Variants in NAPA observed in about 807,000 individuals in gnomAD.
NAPA encodes alpha-soluble NSF attachment protein.
NAPA carries 18 observed loss-of-function variants against 48.0 expected under a neutral mutation model. That is an observed-to-expected ratio of 0.38 (90% CI 0.26 to 0.56). The LOEUF is 0.56. Among genes scored for constraint, NAPA ranks in the 20% least tolerant of loss-of-function variants. The pLI is 0.77. For missense variants in NAPA, 315 were observed against 385.0 expected (o/e 0.82, Z 1.52); for synonymous variants, 152 against 149.9 (o/e 1.01, Z -0.10).
chr19:47,490,300 G>C (rs1968212462), intron 9 of NAPA, among the ~76,000 whole-genome samples: 1 of 145,438 alleles, frequency 6.9e-6, no homozygotes, highest in Non-Finnish European at 1.5e-5. Flanking sequence ...TTTGTGTGAG[G>C]GGTGTGTCGT....
rs191398541 is a variant in NAPA at position 47,492,977 on chromosome 19, A to G, written c.545T>C (p.Ile182Thr). Residue 182 changes from isoleucine (I) to threonine (T), a missense_variant, in exon 7 of 11, where the codon ATT becomes ACT. Ile to Thr is a moderately conservative substitution (Grantham distance 89). This residue lies in a region of NAPA where 137 missense variants were observed against 150.1 expected (regional missense o/e 0.91). Transcript: ENST00000263354. ...AALLEQYQKA[I>T]DIYEQVGTNA... ...TGTCCCCACCTGTTCGTAGATGTCA[A>G]TGGCCTTCTGATACTGCTCCAGCAG... 6.8e-5 allele frequency: 109 copies of G among 1,614,142 alleles called. No individual in the cohort carries two copies. Among genetic ancestry groups the G allele is most frequent in the Middle Eastern group, 1.7e-4 (1 of 6,060 alleles).
At chr19:47,513,731 CT>C (rs1568472975) in intron 1 of NAPA, among the ~76,000 whole-genome samples, 1 of 151,760 alleles carries the variant, frequency 6.6e-6, no homozygotes, top group African/African-American at 2.4e-5. Flanking sequence ...CTCAGTCCCC[CT>C]GTCTCTCCCT....
chr19:47,488,524 T>A (rs1293384691), intron 10 of NAPA, 135 bp from the exon 11 acceptor site: 2 of 613,208 alleles, frequency 3.3e-6, no homozygotes, highest in African/African-American at 3.7e-5. Flanking sequence ...AGGGAGGGCT[T>A]GAGGCCCCAA....
At chr19:47,489,926 G>A (rs753330711) in intron 9 of NAPA, among the ~76,000 whole-genome samples, 165 bp from the exon 10 acceptor site, 22 of 152,196 alleles carry the variant, frequency 1.4e-4, no homozygotes, top group Non-Finnish European at 2.5e-4. Flanking sequence ...GGGTACGGGC[G>A]TGTTGCGATC....
chr19:47,493,493 C>T lies in NAPA; in HGVS notation c.343G>A (p.Gly115Ser). 2 of 1,613,800 alleles carry T rather than the reference C, an allele frequency of 1.2e-6. No individual in the cohort carries two copies. The highest frequency in any genetic ancestry group is 1.7e-6 in the Non-Finnish European group (2 of 1,179,934). The change falls in exon 5 of 11, where the codon GGC becomes AGC. Residue 115 changes from glycine to serine, a missense_variant and splice_region_variant. Physicochemically the swap from Gly to Ser is moderately conservative, Grantham distance 56. Coordinates refer to ENST00000263354, the MANE Select transcript of NAPA (RefSeq NM_003827.4). This position sits in a 1 kb window ranked among gnomAD's most constrained non-coding sequence, Gnocchi z 6.4. Reference protein sequence around the residue: ...MRAIEIYTDMGRFTIAAKHHI... With the variant: ...MRAIEIYTDMSRFTIAAKHHI... Reference sequence around the variant, plus strand: ...TGCTTGGCCGCAATCGTGAATCGGCCCTGGAGGGGACACAGGAAGGGGCTG... The same window carrying T: ...TGCTTGGCCGCAATCGTGAATCGGCTCTGGAGGGGACACAGGAAGGGGCTG...
At chr19:47,514,811 G>A (rs1196006643) in intron 1 of NAPA, 32 bp downstream of exon 1, 4 of 1,601,504 alleles carry the variant, frequency 2.5e-6, no homozygotes, top group Non-Finnish European at 3.4e-6. Flanking sequence ...TCTCAGCCTA[G>A]GTCCCGGCCG....
rs548584085 is a variant in NAPA, at chr19:47,499,750, T to C, written c.295+883A>G. On this transcript the variant is annotated intron_variant, in intron 3 of 10. Transcript: ENST00000263354. ...ATGCCAGCAGTTCTCAAACACGCCATGTGAACCAGTGCTCACTGATCCATG... is the reference window on the plus strand; with the variant it reads ...ATGCCAGCAGTTCTCAAACACGCCACGTGAACCAGTGCTCACTGATCCATG... Among the ~76,000 whole-genome samples the C allele has an allele frequency of 3.9e-5, 6 of 152,368 alleles. No individual in the cohort carries two copies. The East Asian group carries it at 5.8e-4, about 15-fold the overall frequency.
chr19:47,487,224 C>T (rs1306943698), downstream of NAPA, among the ~76,000 whole-genome samples: 1 of 152,170 alleles, frequency 6.6e-6, no homozygotes, highest in African/African-American at 2.4e-5. Flanking sequence ...CAACTGTCAC[C>T]GGGGCGTTCA....
intron 1 of NAPA, among the ~76,000 whole-genome samples, chr19:47,510,561 T>G (rs1043290416): frequency 2.0e-5 from 3 of 152,110 alleles, no homozygotes; most frequent in African/African-American, 7.2e-5. Context: ...ATTTCACAGA[T>G]GAAGAAACTC....
In NAPA at chr19:47,492,954, T is replaced by C. The variant is rs368330999; in HGVS notation, c.561+7A>G. On this transcript the variant is annotated splice_region_variant and intron_variant, in intron 7 of 10. Transcript: ENST00000263354. Reference sequence around the variant, plus strand: ...GGGTGGAAGCCGCCATCCCCACCTGTCCCCACCTGTTCGTAGATGTCAATG... The same window carrying C: ...GGGTGGAAGCCGCCATCCCCACCTGCCCCCACCTGTTCGTAGATGTCAATG... The C allele has an allele frequency of 1.9e-6, 3 of 1,613,742 alleles. No homozygotes were observed. Among genetic ancestry groups the C allele is most frequent in the Non-Finnish European group, 2.5e-6 (3 of 1,179,866 alleles).
chr19:47,492,105 G>A lies in NAPA; in HGVS notation c.576C>T (p.Ala192=). The A allele has an allele frequency of 6.2e-7, 1 of 1,614,016 alleles. No individual in the cohort carries two copies. The highest frequency in any genetic ancestry group is 8.5e-7 in the Non-Finnish European group (1 of 1,179,904). ...IDIYEQVGTN[A]MDSPLLKYSA... ...TGTACTTGAGGAGGGGGCTGTCCAT[G>A]GCATTGGTCCCCACCTGTAGCCATG... Residue 192 remains alanine, a synonymous_variant, in exon 8 of 11, where the codon GCC becomes GCT. Coordinates refer to ENST00000263354, the MANE Select transcript of NAPA (RefSeq NM_003827.4).
intron 1 of NAPA, among the ~76,000 whole-genome samples, 155 bp downstream of exon 1, chr19:47,514,688 G>A (rs1968871358): frequency 6.6e-6 from 1 of 152,064 alleles, no homozygotes; most frequent in Admixed American, 6.5e-5. Flanking sequence ...CCCTCAGCCT[G>A]CGTCCCCTCT....
At chr19:47,504,989 G>A (rs1391003367) in intron 1 of NAPA, among the ~76,000 whole-genome samples, 1 of 152,144 alleles carries the variant, frequency 6.6e-6, no homozygotes, top group East Asian at 1.9e-4. Context: ...CTGGCTTCTT[G>A]ACCTCCACAT....
intron 1 of NAPA, among the ~76,000 whole-genome samples, chr19:47,508,316 T>A (rs956708258): frequency 6.6e-6 from 1 of 152,298 alleles, no homozygotes; most frequent in South Asian, 2.1e-4. Context: ...AGGCTCAGCA[T>A]CCTGAAGGCA....
At position 47,493,009 on chromosome 19, in the gene NAPA, G is replaced by A. The variant is rs374480430; in HGVS notation, c.513C>T (p.Tyr171=). 67 of 1,614,048 alleles carry A rather than the reference G, an allele frequency of 4.2e-5. No homozygotes were observed. Among genetic ancestry groups the A allele is most frequent in the South Asian group, 7.7e-5 (7 of 91,094 alleles). The change falls in exon 7 of 11, where the codon TAC becomes TAT. Residue 171 remains tyrosine (Y), a synonymous_variant. Coordinates refer to ENST00000263354, the MANE Select transcript of NAPA (RefSeq NM_003827.4). The surrounding 1 kb of genome is among the most constrained non-coding windows in gnomAD (Gnocchi z 6.4). ...ANKCLLKVAG[Y]AALLEQYQKA... is the part of the protein sequence containing the mutation. ...TCTGATACTGCTCCAGCAGCGCAGC[G>A]TAACCAGCCACCTTCAGCAGACACT...
intron 8 of NAPA, among the ~76,000 whole-genome samples, 169 bp downstream of exon 8, chr19:47,491,846 G>C (rs1221264928): frequency 1.3e-5 from 2 of 152,148 alleles, no homozygotes; most frequent in Non-Finnish European, 2.9e-5. Context: ...GGCAGGTGAT[G>C]CCAGCACAGA....
At chr19:47,510,271 G>A (rs1464888149) in intron 1 of NAPA, among the ~76,000 whole-genome samples, 1 of 152,170 alleles carries the variant, frequency 6.6e-6, no homozygotes, top group Non-Finnish European at 1.5e-5. Flanking sequence ...AGACAAGCTG[G>A]CCCTCCCAGG....
intron 3 of NAPA, chr19:47,495,839 G>C (rs1042639535): frequency 1.1e-5 from 6 of 538,082 alleles, no homozygotes; most frequent in Non-Finnish European, 1.7e-5. Flanking sequence ...ACATGCTTCT[G>C]GGGGAGCCCT....
At position 47,515,022 on chromosome 19, in the gene NAPA, C is replaced by A; in HGVS notation, c.-82G>T. 2 of 1,381,040 alleles carry A rather than the reference C, an allele frequency of 1.4e-6. No homozygotes were observed. Among genetic ancestry groups the A allele is most frequent in the South Asian group, 1.2e-5 (1 of 81,212 alleles). 85.5% of individuals were successfully genotyped at this position (1,381,040 alleles called of 1,614,324 possible). On this transcript the variant is annotated 5_prime_UTR_variant, in exon 1 of 11. Transcript: ENST00000263354. ...CGCGGCCGGGCCGCGGAACACAGAT[C>A]GGTAAAACTCGCCCGGCTGCGTTGA...
Sources: allele counts gnomAD v4.1 joint callset (sites outside exome capture counted in the v4.1 genomes callset), GRCh38; gene constraint gnomAD v4.1.1; regional missense constraint gnomAD v4.1.1; non-coding constraint Gnocchi (gnomAD v3.1); transcripts MANE v1.5; gene names NCBI Gene and HGNC (gene_info 2026-07-23, HGNC 2026-07-21).